Variants in SIK3 observed in about 807,000 individuals in gnomAD.
The protein encoded by SIK3 is serine/threonine-protein kinase SIK3.
SIK3 carries 28 observed loss-of-function variants against 144.2 expected under a neutral mutation model. That is an observed-to-expected ratio of 0.19 (90% CI 0.14 to 0.27). SIK3 has a LOEUF of 0.27. Among genes scored for constraint, SIK3 ranks in the 10% least tolerant of loss-of-function variants. The pLI is 1.00. For missense variants in SIK3, 1,319 were observed against 1,776.0 expected (o/e 0.74, Z 4.62); for synonymous variants, 686 against 676.3 (o/e 1.01, Z -0.22).
chr11:116,892,747 T>A (rs529553141), intron 6 of SIK3, among the ~76,000 whole-genome samples: 1 of 152,336 alleles, frequency 6.6e-6, no homozygotes, highest in East Asian at 1.9e-4. Context: ...AAAATTTATG[T>A]CCACACAAAA....
chr11:116,869,112 T>G (rs1040511677), intron 14 of SIK3: 2 of 152,228 alleles, frequency 1.3e-5, no homozygotes, highest in African/African-American at 4.8e-5. Flanking sequence ...CATTTCTTCA[T>G]GACCCAGTAG....
chr11:117,081,793 A>C (rs1272840973), intron 1 of SIK3, among the ~76,000 whole-genome samples: 2 of 152,234 alleles, frequency 1.3e-5, no homozygotes, highest in African/African-American at 4.8e-5. Context: ...AAGAAACTAG[A>C]GAATCAAAAT....
intron 6 of SIK3, among the ~76,000 whole-genome samples, chr11:116,879,241 C>A (rs77356896): frequency 0.013 from 1,995 of 152,100 alleles, 56 homozygotes; most frequent in African/African-American, 0.045. Flanking sequence ...TAATCACAAC[C>A]GTCCTGAAAA....
At chr11:117,020,705 C>A (rs1285855935) in intron 1 of SIK3, among the ~76,000 whole-genome samples, 3 of 152,142 alleles carry the variant, frequency 2.0e-5, no homozygotes, top group African/African-American at 7.2e-5. Context: ...GGGTGAGGCA[C>A]CCCAGCTCTA....
intron 21 of SIK3, chr11:116,855,432 A>G (rs1430517085): frequency 6.6e-6 from 1 of 152,268 alleles, no homozygotes; most frequent in African/African-American, 2.4e-5. Context: ...TGGGTACTCA[A>G]CAGACTAGCG....
At chr11:116,992,894 A>G (rs1365457630) in intron 1 of SIK3, among the ~76,000 whole-genome samples, 1 of 152,128 alleles carries the variant, frequency 6.6e-6, no homozygotes, top group Non-Finnish European at 1.5e-5. Flanking sequence ...CTGAGGTGGG[A>G]GGGTCACTTA....
At chr11:116,979,577 T>G (rs1950068902) in intron 1 of SIK3, among the ~76,000 whole-genome samples, 1 of 152,222 alleles carries the variant, frequency 6.6e-6, no homozygotes, top group African/African-American at 2.4e-5. Context: ...CTGGGTGCAG[T>G]GGCTCATGCC....
At chr11:116,886,880 G>C (rs1319769134) in intron 6 of SIK3, among the ~76,000 whole-genome samples, 1 of 152,176 alleles carries the variant, frequency 6.6e-6, no homozygotes, top group East Asian at 1.9e-4. Flanking sequence ...TTCCACAACA[G>C]CTCAAGAAAA....
rs140173874 is a variant in SIK3 at position 117,009,834 on chromosome 11, T to C, written c.274-52770A>G. 7.0e-3 allele frequency among the ~76,000 whole-genome samples: 1,064 copies of C among 152,282 alleles called. 11 individuals are homozygous for C. The highest frequency in any genetic ancestry group is 0.024 in the African/African-American group (989 of 41,542). ...ATATTCAACTACTCCTCAAAAACAT[T>C]TCTTTCAGATGCTTTGTTTTAATGC... On this transcript the variant is annotated intron_variant, in intron 1 of 24. Coordinates refer to ENST00000445177, the MANE Select transcript of SIK3 (RefSeq NM_001366686.3).
At chr11:116,964,830 C>A (rs931263585) in intron 1 of SIK3, among the ~76,000 whole-genome samples, 1 of 151,514 alleles carries the variant, frequency 6.6e-6, no homozygotes. Flanking sequence ...TGCAGTGAGC[C>A]GAGATGGCGC....
At chr11:117,098,078 TG>T in intron 1 of SIK3, 64 bp downstream of exon 1, 6 of 1,246,056 alleles carry the variant, frequency 4.8e-6, no homozygotes, top group South Asian at 4.3e-5. Flanking sequence ...ACCCCCCGGC[TG>T]GGGGGCGCGG....
At chr11:116,997,428 C>A (rs569619271) in intron 1 of SIK3, among the ~76,000 whole-genome samples, 1 of 152,334 alleles carries the variant, frequency 6.6e-6, no homozygotes, top group African/African-American at 2.4e-5. Flanking sequence ...TGCATATCTA[C>A]ATCTATGTAC....
chr11:117,054,937 G>GAAT (rs913113173), intron 1 of SIK3, among the ~76,000 whole-genome samples: 1 of 151,972 alleles, frequency 6.6e-6, no homozygotes, highest in Non-Finnish European at 1.5e-5. Context: ...CATTTAAAAG[G>GAAT]AATAATAATA....
intron 1 of SIK3, among the ~76,000 whole-genome samples, chr11:116,964,251 T>A (rs1240987335): frequency 6.6e-6 from 1 of 152,178 alleles, no homozygotes; most frequent in Non-Finnish European, 1.5e-5. Flanking sequence ...TCCTCCCACC[T>A]CAGTCTCCTA....
intron 1 of SIK3, among the ~76,000 whole-genome samples, chr11:117,081,103 T>C (rs1036282094): frequency 3.9e-5 from 6 of 152,034 alleles, no homozygotes; most frequent in Non-Finnish European, 8.8e-5. Context: ...AGATATACTA[T>C]TAAATGAAAA....
At chr11:116,947,952 TGAGAC>T (rs1948756041) in intron 3 of SIK3, among the ~76,000 whole-genome samples, 1 of 151,254 alleles carries the variant, frequency 6.6e-6, no homozygotes, top group Non-Finnish European at 1.5e-5. Context: ...TTTTTTTTTT[TGAGAC>T]AGGGTCTCAC....
At chr11:116,854,722 T>C (rs1295643062) in intron 21 of SIK3, among the ~76,000 whole-genome samples, 1 of 152,128 alleles carries the variant, frequency 6.6e-6, no homozygotes, top group African/African-American at 2.4e-5. Context: ...TATAAGCCTT[T>C]CGTGACAGAA....
At chr11:116,848,375 G>C (rs944688961) in intron 22 of SIK3, among the ~76,000 whole-genome samples, 1 of 151,912 alleles carries the variant, frequency 6.6e-6, no homozygotes, top group Admixed American at 6.6e-5. Flanking sequence ...AAAATAAAGT[G>C]TAACTGGTGT....
intron 4 of SIK3, among the ~76,000 whole-genome samples, chr11:116,917,624 C>A (rs1222916077): frequency 6.6e-6 from 1 of 151,658 alleles, no homozygotes; most frequent in East Asian, 1.9e-4. Context: ...TGGGAGGATC[C>A]CCTGAGCCCA....
Sources: allele counts gnomAD v4.1 joint callset (sites outside exome capture counted in the v4.1 genomes callset), GRCh38; gene constraint gnomAD v4.1.1; transcripts MANE v1.5; gene names NCBI Gene and HGNC (gene_info 2026-07-23, HGNC 2026-07-21).